The following DECR1 variants were observed in gnomAD, a reference collection of about 807,000 sequenced individuals.
DECR1 encodes 2,4-dienoyl-CoA reductase 1, also known as 2,4-dienoyl-CoA reductase [(3E)-enoyl-CoA-producing], mitochondrial.
A neutral mutation model predicts 38.8 loss-of-function variants in DECR1; 44 were observed. The observed-to-expected ratio is 1.13, with a 90% CI of 0.89 to 1.46. The LOEUF (loss-of-function observed/expected upper bound fraction) is 1.46, where lower values mean the gene tolerates loss of function less well. Ranked by LOEUF, DECR1 falls within the 40% of genes most tolerant of loss-of-function variation. The probability of loss-of-function intolerance (pLI) is 0.00; values close to 1 mark genes in which losing one functional copy is unlikely to be tolerated. For synonymous variants in DECR1, 148 were observed against 135.2 expected, an observed-to-expected ratio of 1.09 and a Z score of -0.66; for missense variants, 428 against 405.5, an observed-to-expected ratio of 1.06 and a Z score of -0.48.
intron 1 of DECR1, among the ~76,000 whole-genome samples, chr8:90,012,979 G>GGTAA (rs1246052584): frequency 2.6e-5 from 4 of 152,180 alleles, no homozygotes; most frequent in African/African-American, 9.7e-5. Flanking sequence ...GTGAGGGCTT[G>GGTAA]GTAAGTGTAG....
At position 90,005,710 on chromosome 8, in the gene DECR1, A is replaced by G. The variant is rs190476387; in HGVS notation, c.69+4149A>G. 627 of 327,506 alleles carry G rather than the reference A, an allele frequency of 1.9e-3. 5 individuals carry two copies. Among genetic ancestry groups the G allele is most frequent in the South Asian group, 4.7e-3 (190 of 40,360 alleles). 20.3% of individuals were successfully genotyped at this position (327,506 alleles called of 1,614,324 possible). On this transcript the variant is annotated intron_variant, in intron 1 of 9. Transcript: ENST00000220764. The stretch of plus-strand genomic sequence containing the variant: ...AGATTGTACCTCAGTCTGTGTTGCT[A>G]TAAAGGAATACCTGAGGCTGGGTAA...
rs79325483 is a variant in DECR1, at chr8:90,051,500, A to C, written c.886-177A>C. On this transcript the variant is annotated intron_variant, in intron 8 of 9. Transcript: ENST00000220764. ...TTGAAATTGTGGAGATGTTAGAAATAGAATTATAAACTGAGTAAATCAATT... is the reference window on the plus strand; with the variant it reads ...TTGAAATTGTGGAGATGTTAGAAATCGAATTATAAACTGAGTAAATCAATT... Among the ~76,000 whole-genome samples, 758 of 152,346 alleles carry C rather than the reference A, an allele frequency of 5.0e-3. 9 individuals are homozygous for C. The highest frequency in any genetic ancestry group is 0.017 in the African/African-American group (693 of 41,582).
chr8:90,023,207 G>C (rs1813209765), intron 5 of DECR1, among the ~76,000 whole-genome samples: 1 of 152,202 alleles, frequency 6.6e-6, no homozygotes, highest in Non-Finnish European at 1.5e-5. Context: ...CATGGGCATT[G>C]TACATGTTTT....
At chr8:90,012,156 C>CTTT (rs1170178816) in intron 1 of DECR1, among the ~76,000 whole-genome samples, 1 of 138,686 alleles carries the variant, frequency 7.2e-6, no homozygotes, top group African/African-American at 2.6e-5. Flanking sequence ...CTTTTCTTTT[C>CTTT]TTTTTTTTTT....
At chr8:90,024,195 T>C (rs1478782608) in intron 5 of DECR1, among the ~76,000 whole-genome samples, 7 of 152,220 alleles carry the variant, frequency 4.6e-5, no homozygotes, top group Non-Finnish European at 8.8e-5. Context: ...CATATGTCTT[T>C]ATAGCAGCAT....
intron 5 of DECR1, among the ~76,000 whole-genome samples, chr8:90,026,344 G>A (rs970159793): frequency 6.6e-6 from 1 of 152,194 alleles, no homozygotes; most frequent in Admixed American, 6.6e-5. Context: ...CTGTGAATCT[G>A]TCTGTTCCTG....
intron 6 of DECR1, among the ~76,000 whole-genome samples, chr8:90,038,525 C>G (rs1052759810): frequency 3.7e-5 from 5 of 135,260 alleles, no homozygotes; most frequent in Non-Finnish European, 6.1e-5. Context: ...ATGGTGCCAT[C>G]TTGGCTCACC....
chr8:90,026,579 T>C (rs1253651877), intron 5 of DECR1, among the ~76,000 whole-genome samples: 1 of 152,200 alleles, frequency 6.6e-6, no homozygotes, highest in Non-Finnish European at 1.5e-5. Flanking sequence ...ATCCCCTTTA[T>C]CATTTTTTAT....
chr8:90,021,111 G>A, intron 5 of DECR1, 55 bp downstream of exon 5: 2 of 1,433,440 alleles, frequency 1.4e-6, no homozygotes, highest in Non-Finnish European at 1.9e-6. Flanking sequence ...GCAAGGTTCT[G>A]TGGTAAGCTC....
chr8:90,008,687 C>A (rs768232232), intron 1 of DECR1, among the ~76,000 whole-genome samples: 1 of 152,080 alleles, frequency 6.6e-6, no homozygotes, highest in Non-Finnish European at 1.5e-5. Context: ...TCTTAAATAT[C>A]CTGACTTGAT....
rs1218988136 is a variant in DECR1 at position 90,051,891 on chromosome 8, T to C, written c.1002T>C (p.Gly334=). ...TIEELIRKTK[G]S is the part of the protein sequence containing the mutation. The stretch of plus-strand genomic sequence containing the variant: ...AAGAACTCATCAGGAAGACAAAAGG[T>C]TCCTAAGACCACTTTGGCCTTCATC... Residue 334 remains glycine, a synonymous_variant, in exon 10 of 10, where the codon GGT becomes GGC. Transcript: ENST00000220764. The C allele has an allele frequency of 1.2e-6, 2 of 1,613,456 alleles. No individual in the cohort carries two copies. Among genetic ancestry groups the C allele is most frequent in the Non-Finnish European group, 1.7e-6 (2 of 1,179,792 alleles).
chr8:90,036,060 G>C (rs1813610378), intron 5 of DECR1, among the ~76,000 whole-genome samples: 1 of 151,922 alleles, frequency 6.6e-6, no homozygotes, highest in African/African-American at 2.4e-5. Flanking sequence ...GTTGTTCTTT[G>C]CCTGGCCTCA....
intron 5 of DECR1, among the ~76,000 whole-genome samples, chr8:90,023,460 A>G (rs1813216116): frequency 6.6e-6 from 1 of 151,730 alleles, no homozygotes; most frequent in African/African-American, 2.4e-5. Flanking sequence ...CAGTTTTTAT[A>G]TTTTCCTTCC....
chr8:90,050,427 T>G (rs917987122), intron 8 of DECR1, among the ~76,000 whole-genome samples: 4 of 152,218 alleles, frequency 2.6e-5, no homozygotes, highest in Non-Finnish European at 5.9e-5. Flanking sequence ...GAAAAAATGC[T>G]CATCATCACT....
At chr8:90,030,000 T>G in intron 5 of DECR1, among the ~76,000 whole-genome samples, 1 of 152,118 alleles carries the variant, frequency 6.6e-6, no homozygotes, top group East Asian at 1.9e-4. Flanking sequence ...CAGGGACCAT[T>G]TTCGTGAAAG....
rs985434184 is a variant in DECR1 at position 90,051,845 on chromosome 8, A to T, written c.956A>T (p.Lys319Met). 1 of 1,613,854 alleles carries T rather than the reference A, an allele frequency of 6.2e-7. No individual in the cohort carries two copies. The highest frequency in any genetic ancestry group is 1.3e-5 in the African/African-American group (1 of 75,024). ...GEFNDLRKVTKEQWDTIEELI... is the reference protein window; with the variant it reads ...GEFNDLRKVTMEQWDTIEELI... ...ACATCTTTTTTGTGTTAGGTCACCA[A>T]GGAGCAGTGGGACACCATAGAAGAA... Residue 319 changes from lysine (K) to methionine (M), a missense_variant, in exon 10 of 10, where the codon AAG (lysine) becomes ATG (methionine). Lys to Met is a moderately conservative substitution (Grantham distance 95). Transcript: ENST00000220764.
chr8:90,042,651 T>C (rs1813790344), intron 6 of DECR1, 77 bp from the exon 7 acceptor site: 1 of 1,213,834 alleles, frequency 8.2e-7, no homozygotes, highest in East Asian at 2.3e-5. Context: ...AGTAAGCATC[T>C]AGTGAGTCTC....
At chr8:90,021,088 G>C (rs1364518583) in intron 5 of DECR1, 32 bp downstream of exon 5, 1 of 1,532,170 alleles carries the variant, frequency 6.5e-7, no homozygotes, top group East Asian at 2.4e-5. Context: ...ATATTTATTT[G>C]GCTTCTGTGT....
chr8:90,051,849 G>T lies in DECR1; in HGVS notation c.960G>T (p.Glu320Asp), dbSNP rs1164875409. ...CTTTTTTGTGTTAGGTCACCAAGGA[G>T]CAGTGGGACACCATAGAAGAACTCA... is the stretch of plus-strand genomic sequence containing the variant. The part of the protein sequence containing the change: ...EFNDLRKVTK[E>D]QWDTIEELIR... Residue 320 changes from glutamate to aspartate, a missense_variant, in exon 10 of 10, where the codon GAG becomes GAT. Glu to Asp is a conservative substitution (Grantham distance 45). Transcript: ENST00000220764. 6.2e-7 allele frequency: 1 copy of T among 1,613,786 alleles called. No homozygotes were observed. Among genetic ancestry groups the T allele is most frequent in the African/African-American group, 1.3e-5 (1 of 74,994 alleles).
Sources: allele counts gnomAD v4.1 joint callset (sites outside exome capture counted in the v4.1 genomes callset), GRCh38; gene constraint gnomAD v4.1.1; transcripts MANE v1.5; gene names NCBI Gene and HGNC (gene_info 2026-07-23, HGNC 2026-07-21).